Variants in DMD observed in about 807,000 individuals in gnomAD.
DMD encodes the protein dystrophin, also known as mutant dystrophin.
Under a neutral mutation model 330.1 loss-of-function variants are expected in DMD, and 63 were observed. That is an observed-to-expected ratio of 0.19 (90% CI 0.16 to 0.24). DMD has a LOEUF of 0.24. Among genes scored for constraint, DMD ranks in the 10% least tolerant of loss-of-function variants. The pLI, the probability that DMD is intolerant of heterozygous loss-of-function variation, is 1.00. For missense variants in DMD, 3,344 were observed against 2,684.1 expected (o/e 1.25, Z -5.43); for synonymous variants, 1,223 against 959.8 (o/e 1.27, Z -5.07).
At chrX:32,104,613 A>G (rs2096555910) in intron 44 of DMD, among the ~76,000 whole-genome samples, 1 of 112,238 alleles carries the variant, frequency 8.9e-6, no homozygotes, top group South Asian at 3.7e-4. Flanking sequence ...CCATCATATA[A>G]AAAAGAAAGA....
chrX:33,053,074 T>G (rs1398878811), intron 1 of DMD, among the ~76,000 whole-genome samples: 4 of 111,876 alleles, frequency 3.6e-5, no homozygotes, highest in Non-Finnish European at 3.8e-5. Flanking sequence ...TAAAAGAACA[T>G]CTACTTGTTC....
At chrX:31,150,703 G>A (rs1389884929) in intron 74 of DMD, among the ~76,000 whole-genome samples, 1 of 111,922 alleles carries the variant, frequency 8.9e-6, no homozygotes, top group Non-Finnish European at 1.9e-5. Context: ...CACCAGGTCT[G>A]CTAAATATTT....
At chrX:33,173,603 G>A (rs926122633) in intron 1 of DMD, among the ~76,000 whole-genome samples, 1 of 111,165 alleles carries the variant, frequency 9.0e-6, no homozygotes, top group African/African-American at 3.3e-5. Flanking sequence ...ATAAACAGTA[G>A]CTAATTCATA....
intron 1 of DMD, among the ~76,000 whole-genome samples, chrX:33,038,150 A>G (rs2094236334): frequency 8.9e-6 from 1 of 112,148 alleles, no homozygotes; most frequent in Non-Finnish European, 1.9e-5. Flanking sequence ...GAAATTTCAT[A>G]TTTCAATATC....
intron 66 of DMD, among the ~76,000 whole-genome samples, chrX:31,205,419 C>T: frequency 8.9e-6 from 1 of 111,842 alleles, no homozygotes; most frequent in Non-Finnish European, 1.9e-5. Context: ...TTTGTTTCAC[C>T]AACCTAAAAA....
chrX:31,832,283 T>C (rs2093066354), intron 49 of DMD, among the ~76,000 whole-genome samples: 1 of 112,203 alleles, frequency 8.9e-6, no homozygotes, highest in Non-Finnish European at 1.9e-5. Flanking sequence ...TGCACATCTT[T>C]TGTGAGTAAT....
At chrX:33,013,461 A>G (rs1008948925) in intron 2 of DMD, among the ~76,000 whole-genome samples, 6 of 111,533 alleles carry the variant, frequency 5.4e-5, no homozygotes, top group Non-Finnish European at 9.4e-5. Context: ...ATCAGCATCC[A>G]GAGACATAGT....
Position 32,346,172 on chromosome X carries a change from C to T in DMD, c.5449-92G>A, listed in dbSNP as rs772178049. The T allele has an allele frequency of 5.1e-5, 50 of 977,411 alleles. No individual in the cohort carries two copies. In the East Asian group the frequency reaches 1.5e-3, roughly 28 times the overall value. 80.5% of individuals were successfully genotyped at this position (977,411 alleles called of 1,213,427 possible). ...TAATAAGACATGTTATTTAAACACA[C>T]ACAAAAATCCAATTTAAAACTTTCA... On this transcript the variant is annotated intron_variant, in intron 38 of 78. Transcript: ENST00000357033.
At chrX:31,137,562 C>G (rs1401700462) in intron 76 of DMD, among the ~76,000 whole-genome samples, 1 of 110,258 alleles carries the variant, frequency 9.1e-6, no homozygotes, top group East Asian at 2.8e-4. Flanking sequence ...TTTATTTATT[C>G]AAATATTTAT....
At chrX:32,368,693 G>A (rs889223817) in intron 34 of DMD, among the ~76,000 whole-genome samples, 5 of 111,065 alleles carry the variant, frequency 4.5e-5, no homozygotes, top group Middle Eastern at 4.7e-3. Context: ...TTATTTATAG[G>A]GTTGGCGAGA....
At chrX:31,356,680 T>C (rs978041423) in intron 60 of DMD, among the ~76,000 whole-genome samples, 1 of 112,429 alleles carries the variant, frequency 8.9e-6, no homozygotes, top group African/African-American at 3.2e-5. Context: ...CTTTGGATGT[T>C]TGTTTATTGG....
At chrX:32,045,814 A>G (rs61270647) in intron 44 of DMD, among the ~76,000 whole-genome samples, 40,510 of 111,514 alleles carry the variant, frequency 0.36, 5,773 homozygotes, top group African/African-American at 0.53. Context: ...CCAGAGTGAT[A>G]TATTTGAACA....
At chrX:32,625,095 C>T (rs1256542760) in intron 11 of DMD, among the ~76,000 whole-genome samples, 2 of 111,663 alleles carry the variant, frequency 1.8e-5, no homozygotes, top group African/African-American at 6.5e-5. Context: ...TGCTTGAACC[C>T]GGGAGGCGGA....
intron 44 of DMD, among the ~76,000 whole-genome samples, chrX:32,104,327 A>C (rs1043715528): frequency 8.9e-6 from 1 of 111,971 alleles, no homozygotes; most frequent in Non-Finnish European, 1.9e-5. Context: ...ACCACATGAT[A>C]AAGAACTATG....
At chrX:32,711,284 A>G (rs769014433) in intron 7 of DMD, among the ~76,000 whole-genome samples, 2 of 111,150 alleles carry the variant, frequency 1.8e-5, no homozygotes, top group African/African-American at 3.3e-5. Context: ...CCTCTCCCTC[A>G]GGTAGAGCTC....
At chrX:33,075,310 C>G (rs1333768817) in intron 1 of DMD, among the ~76,000 whole-genome samples, 3 of 111,691 alleles carry the variant, frequency 2.7e-5, no homozygotes, top group Non-Finnish European at 5.6e-5. Context: ...TATTGCGTAG[C>G]TTTCCACATG....
chrX:31,752,298 G>A (rs988014759), intron 51 of DMD, among the ~76,000 whole-genome samples: 1 of 111,717 alleles, frequency 9.0e-6, no homozygotes, highest in Non-Finnish European at 1.9e-5. Flanking sequence ...TACTTAGCAT[G>A]AGAAGCTGTT....
intron 60 of DMD, among the ~76,000 whole-genome samples, chrX:31,402,399 G>C (rs1345283812): frequency 3.6e-5 from 4 of 111,770 alleles, no homozygotes; most frequent in Admixed American, 2.9e-4. Context: ...TAAACGGATG[G>C]GCCGATAAAG....
intron 47 of DMD, among the ~76,000 whole-genome samples, chrX:31,880,373 C>T (rs1020799341): frequency 9.0e-6 from 1 of 110,913 alleles, no homozygotes. Context: ...ATATCAGACA[C>T]AGGGTAATAA....
Sources: allele counts gnomAD v4.1 joint callset (sites outside exome capture counted in the v4.1 genomes callset), GRCh38; gene constraint gnomAD v4.1.1; transcripts MANE v1.5; gene names NCBI Gene and HGNC (gene_info 2026-07-23, HGNC 2026-07-21).